Variants in MYO6 observed in about 807,000 individuals in gnomAD.
MYO6 encodes the protein unconventional myosin-VI.
A neutral mutation model predicts 178.7 loss-of-function variants in MYO6; 74 were observed. That is an observed-to-expected ratio of 0.41 (90% confidence interval 0.34 to 0.50). The LOEUF is 0.50. Ranked by LOEUF, MYO6 falls within the 20% of genes least tolerant of loss-of-function variation. The pLI, the probability that MYO6 is intolerant of heterozygous loss-of-function variation, is 0.09. For missense variants in MYO6, 1,330 were observed against 1,547.4 expected (o/e 0.86, Z 2.36); for synonymous variants, 477 against 504.6 (o/e 0.95, Z 0.73).
intron 14 of MYO6, among the ~76,000 whole-genome samples, chr6:75,859,944 G>A (rs1319763413): frequency 6.6e-6 from 1 of 152,202 alleles, no homozygotes; most frequent in African/African-American, 2.4e-5. Context: ...ACAGGCGTGA[G>A]CCATCATGCC....
chr6:75,764,354 C>T (rs1399427602), intron 1 of MYO6, among the ~76,000 whole-genome samples: 1 of 152,176 alleles, frequency 6.6e-6, no homozygotes, highest in Non-Finnish European at 1.5e-5. Flanking sequence ...TCTCCTTTCT[C>T]CTTAGTCTTG....
Position 75,841,519 on chromosome 6 carries a change from T to C in MYO6, c.816+141T>C, listed in dbSNP as rs1774224194. 8 of 721,652 alleles carry C rather than the reference T, an allele frequency of 1.1e-5. 1 individual carries two copies. The South Asian group carries it at 1.1e-4, about 10-fold the overall frequency. 44.7% of individuals were successfully genotyped at this position (721,652 alleles called of 1,614,324 possible). A position where few individuals can be genotyped will look rare whatever the true frequency, so the allele number is the denominator to read the frequency against. On this transcript the variant is annotated intron_variant, in intron 9 of 34. Transcript: ENST00000369977. ...GCCTGGGCAATGTAGCGAGACCCTG[T>C]CTCTAAAAAAAAAAAATACAAAAAA...
intron 2 of MYO6, among the ~76,000 whole-genome samples, chr6:75,819,305 C>G (rs1354660575): frequency 6.6e-6 from 1 of 152,152 alleles, no homozygotes; most frequent in Non-Finnish European, 1.5e-5. Context: ...TGATCAGGTT[C>G]TTAATAAACA....
chr6:75,851,689 A>C (rs1360171373), intron 11 of MYO6, among the ~76,000 whole-genome samples: 2 of 151,796 alleles, frequency 1.3e-5, no homozygotes, highest in African/African-American at 4.8e-5. Flanking sequence ...CACACACACA[A>C]AATAAATTAG....
At chr6:75,894,348 T>C (rs1454945910) in intron 28 of MYO6, among the ~76,000 whole-genome samples, 1 of 152,154 alleles carries the variant, frequency 6.6e-6, no homozygotes, top group East Asian at 1.9e-4. Flanking sequence ...TATTAAGTAA[T>C]GAGGAGATAT....
intron 1 of MYO6, among the ~76,000 whole-genome samples, chr6:75,790,733 T>G (rs1290007717): frequency 6.6e-6 from 1 of 152,160 alleles, no homozygotes; most frequent in African/African-American, 2.4e-5. Context: ...ACATCTCATT[T>G]TAGTATATAT....
At chr6:75,914,744 A>T in intron 34 of MYO6, 69 bp from the exon 35 acceptor site, 2 of 1,409,676 alleles carry the variant, frequency 1.4e-6, no homozygotes, top group African/African-American at 1.4e-5. Flanking sequence ...TAGGTATTTC[A>T]GGCATACAAC....
At chr6:75,899,504 A>G (rs1378897588) in intron 30 of MYO6, among the ~76,000 whole-genome samples, 4 of 152,194 alleles carry the variant, frequency 2.6e-5, no homozygotes, top group Non-Finnish European at 5.9e-5. Flanking sequence ...GAATAAATAT[A>G]AAAGCATAAT....
chr6:75,864,390 A>G (rs1219906332), intron 16 of MYO6, among the ~76,000 whole-genome samples: 9 of 152,214 alleles, frequency 5.9e-5, no homozygotes, highest in Admixed American at 5.9e-4. Flanking sequence ...TTGACTTGCA[A>G]TTCTTCTGTA....
intron 1 of MYO6, among the ~76,000 whole-genome samples, chr6:75,802,479 ATTTT>A (rs1300270453): frequency 8.6e-5 from 10 of 116,460 alleles, no homozygotes; most frequent in African/African-American, 1.6e-4. Flanking sequence ...AAAAAAAAAA[ATTTT>A]TTTTTTTTTT....
intron 15 of MYO6, among the ~76,000 whole-genome samples, chr6:75,862,288 G>A (rs1430357374): frequency 6.6e-6 from 1 of 152,174 alleles, no homozygotes; most frequent in Non-Finnish European, 1.5e-5. Context: ...ATTTCGAAAA[G>A]GAGGAATTTC....
chr6:75,751,942 C>T (rs1346336178), intron 1 of MYO6, among the ~76,000 whole-genome samples: 1 of 151,358 alleles, frequency 6.6e-6, no homozygotes, highest in Non-Finnish European at 1.5e-5. Flanking sequence ...ATTAAAATAT[C>T]TAAAAATATT....
At chr6:75,902,360 T>C (rs1482228259) in intron 30 of MYO6, among the ~76,000 whole-genome samples, 2 of 152,220 alleles carry the variant, frequency 1.3e-5, no homozygotes, top group Non-Finnish European at 2.9e-5. Flanking sequence ...GGTCCTGAAC[T>C]CTTTTTGGTT....
At chr6:75,793,556 A>G (rs1391233142) in intron 1 of MYO6, among the ~76,000 whole-genome samples, 1 of 152,186 alleles carries the variant, frequency 6.6e-6, no homozygotes, top group African/African-American at 2.4e-5. Context: ...GTGAGCCAAG[A>G]TCGTACCACT....
At chr6:75,823,523 A>C (rs1370359824) in intron 3 of MYO6, among the ~76,000 whole-genome samples, 1 of 152,264 alleles carries the variant, frequency 6.6e-6, no homozygotes, top group Non-Finnish European at 1.5e-5. Flanking sequence ...TAACAAAAAA[A>C]GGTAGTGTTA....
intron 1 of MYO6, among the ~76,000 whole-genome samples, chr6:75,771,441 A>T (rs1487993124): frequency 2.6e-5 from 4 of 152,202 alleles, no homozygotes; most frequent in Non-Finnish European, 4.4e-5. Context: ...AGGTACATTT[A>T]TCTGTAGTTG....
At chr6:75,858,528 C>T (rs1583290075) in intron 13 of MYO6, among the ~76,000 whole-genome samples, 1 of 152,232 alleles carries the variant, frequency 6.6e-6, no homozygotes, top group South Asian at 2.1e-4. Context: ...ATCACTTGAA[C>T]CCGGGGGCGG....
intron 1 of MYO6, among the ~76,000 whole-genome samples, chr6:75,812,933 A>G (rs1019138635): frequency 3.3e-5 from 5 of 152,160 alleles, no homozygotes; most frequent in Non-Finnish European, 4.4e-5. Flanking sequence ...TCTCTTCAAT[A>G]TACTGATTCC....
At chr6:75,885,440 G>A (rs1314081724) in intron 23 of MYO6, among the ~76,000 whole-genome samples, 2 of 151,918 alleles carry the variant, frequency 1.3e-5, no homozygotes, top group Non-Finnish European at 2.9e-5. Flanking sequence ...GGAGGCTGAG[G>A]CATGAGAATC....
Sources: gnomAD v4.1 joint callset for allele counts (sites outside exome capture counted in the v4.1 genomes callset) on GRCh38, gnomAD v4.1.1 for gene constraint, MANE v1.5 for transcripts, NCBI Gene and HGNC (gene_info 2026-07-23, HGNC 2026-07-21) for gene names.